TRHDE: variants seen among roughly 807,000 people sequenced by gnomAD.
The protein encoded by TRHDE is thyrotropin-releasing hormone-degrading ectoenzyme.
In TRHDE, 72 loss-of-function variants were observed where a neutral mutation model predicts 125.7. The ratio of observed to expected loss-of-function variants is 0.57; its 90% CI spans 0.47 to 0.70. The LOEUF (loss-of-function observed/expected upper bound fraction) is 0.70. TRHDE is among the 30% of genes least tolerant of loss of function. The pLI is 0.00. For missense variants in TRHDE, 1,110 were observed against 1,327.1 expected, an observed-to-expected ratio of 0.84 and a Z score of 2.54; for synonymous variants, 509 against 509.1, an observed-to-expected ratio of 1.00 and a Z score of 0.00.
intron 2 of TRHDE, among the ~76,000 whole-genome samples, chr12:72,186,840 G>A (rs908844223): frequency 6.6e-6 from 1 of 151,880 alleles, no homozygotes; most frequent in African/African-American, 2.4e-5. Context: ...TTGGCGTGGG[G>A]GGTAGCACTA....
In TRHDE at chr12:72,373,772, G is replaced by C. The variant is rs1006098705; in HGVS notation, c.1189-4223G>C. Among the ~76,000 whole-genome samples, 3 of 152,128 alleles carry C rather than the reference G, an allele frequency of 2.0e-5. No homozygotes were observed. In the South Asian group the frequency reaches 6.2e-4, roughly 32 times the overall value. On this transcript the variant is annotated intron_variant, in intron 2 of 18. Transcript: ENST00000261180. ...GATCGAGAATCTCTCTGGTATGTTT[G>C]AGGAGTGAAAAGGAAGCTAGTGTTA...
chr12:72,500,353 T>C (rs1270087681), intron 6 of TRHDE, among the ~76,000 whole-genome samples: 1 of 152,094 alleles, frequency 6.6e-6, no homozygotes, highest in African/African-American at 2.4e-5. Context: ...TCTGCTGTGA[T>C]TTTTAGTGTA....
intron 9 of TRHDE, among the ~76,000 whole-genome samples, chr12:72,563,567 T>C (rs1870287380): frequency 6.6e-6 from 1 of 152,190 alleles, no homozygotes; most frequent in Non-Finnish European, 1.5e-5. Flanking sequence ...GTGTTTAAAA[T>C]CAATAAACAG....
chr12:72,197,331 AG>A (rs1230000110), intron 2 of TRHDE, among the ~76,000 whole-genome samples: 4 of 152,078 alleles, frequency 2.6e-5, no homozygotes, highest in African/African-American at 7.2e-5. Flanking sequence ...TTGGCTTTAT[AG>A]CACCCACATT....
chr12:72,349,636 C>G (rs922099308), intron 2 of TRHDE, among the ~76,000 whole-genome samples: 21 of 152,016 alleles, frequency 1.4e-4, no homozygotes, highest in African/African-American at 5.1e-4. Flanking sequence ...TACACTGAGG[C>G]CTAACAACAT....
At chr12:72,635,571 C>T (rs1873705382) in intron 15 of TRHDE, among the ~76,000 whole-genome samples, 1 of 152,042 alleles carries the variant, frequency 6.6e-6, no homozygotes, top group South Asian at 2.1e-4. Flanking sequence ...ACATGAAGTC[C>T]TTGCCCGTGC....
chr12:72,135,356 T>C (rs1413105416), intron 2 of TRHDE, among the ~76,000 whole-genome samples: 1 of 152,210 alleles, frequency 6.6e-6, no homozygotes, highest in Non-Finnish European at 1.5e-5. Flanking sequence ...CCCCATGAGA[T>C]ATGATATCAC....
Position 72,272,538 on chromosome 12 carries a change from C to A in TRHDE, c.-106C>A. 3.5e-6 allele frequency: 2 copies of A among 563,998 alleles called. No individual in the cohort carries two copies. Among genetic ancestry groups the A allele is most frequent in the Non-Finnish European group, 6.2e-6 (2 of 321,052 alleles). 34.9% of individuals were successfully genotyped at this position (563,998 alleles called of 1,614,324 possible). The stretch of plus-strand genomic sequence containing the variant: ...ACCCGGGCCAGCATCCCCAGTCGCG[C>A]GCCCTCGGCCCGCGTGAGCTCTCCG... On this transcript the variant is annotated 5_prime_UTR_variant, in exon 1 of 19. Transcript: ENST00000261180. The surrounding 1 kb of genome is among the most constrained non-coding windows in gnomAD (Gnocchi z 6.7).
intron 15 of TRHDE, among the ~76,000 whole-genome samples, chr12:72,644,059 ATTC>A (rs1337244281): frequency 2.0e-5 from 3 of 152,142 alleles, no homozygotes; most frequent in Non-Finnish European, 4.4e-5. Flanking sequence ...GAAGCACTAG[ATTC>A]TTCTTCCTTT....
intron 2 of TRHDE, among the ~76,000 whole-genome samples, chr12:72,188,660 G>A (rs531885836): frequency 1.1e-4 from 17 of 152,274 alleles, no homozygotes; most frequent in Admixed American, 7.8e-4. Flanking sequence ...GAAAATGTGG[G>A]CCTAGTGTTG....
chr12:72,305,456 C>T (rs1052075070), intron 2 of TRHDE, among the ~76,000 whole-genome samples: 21 of 152,138 alleles, frequency 1.4e-4, no homozygotes, highest in Non-Finnish European at 2.4e-4. Flanking sequence ...AAATTGCCTT[C>T]GGGGCAAGTC....
In TRHDE at chr12:72,208,625, T is replaced by G. The variant is rs148063911; in HGVS notation, n.279+102873T>G. On this transcript the variant is annotated intron_variant and non_coding_transcript_variant, in intron 2 of 4. Transcript: ENST00000548156. ...AAAATCCTCTGCATCTATTTTTTTC[T>G]GATCTGCAAATTGGGAATAATAATA... is the stretch of plus-strand genomic sequence containing the variant. Among the ~76,000 whole-genome samples, 109 of 152,334 alleles carry G rather than the reference T, an allele frequency of 7.2e-4. 1 individual carries two copies. In the East Asian group the frequency reaches 0.017, roughly 23 times the overall value.
intron 14 of TRHDE, 98 bp from the exon 15 acceptor site, chr12:72,621,545 TA>T: frequency 1.1e-6 from 1 of 925,072 alleles, no homozygotes; most frequent in Non-Finnish European, 1.6e-6. Flanking sequence ...TTTCCAGATC[TA>T]AAAACCATTT....
intron 3 of TRHDE, among the ~76,000 whole-genome samples, chr12:72,447,434 C>G (rs1592451895): frequency 6.6e-6 from 1 of 152,058 alleles, no homozygotes. Context: ...AAAATTGACA[C>G]CGATTGTGCA....
chr12:72,157,657 A>G (rs756598327), intron 2 of TRHDE, among the ~76,000 whole-genome samples: 1 of 152,210 alleles, frequency 6.6e-6, no homozygotes, highest in Non-Finnish European at 1.5e-5. Context: ...GAGTTGGGGA[A>G]GACCATGGAA....
intron 2 of TRHDE, among the ~76,000 whole-genome samples, chr12:72,151,318 G>A (rs1488796594): frequency 4.0e-5 from 6 of 150,346 alleles, no homozygotes; most frequent in African/African-American, 1.2e-4. Flanking sequence ...TGAGTAGATT[G>A]CAAAAATTTT....
chr12:72,284,881 T>C (rs1487604308), intron 1 of TRHDE, among the ~76,000 whole-genome samples: 1 of 152,246 alleles, frequency 6.6e-6, no homozygotes, highest in Non-Finnish European at 1.5e-5. Context: ...CATTCTATCA[T>C]TTTGACTTTT....
chr12:72,663,219 A>G lies in TRHDE; in HGVS notation c.*24A>G, dbSNP rs375658389. Reference sequence around the variant, plus strand: ...AATATATGTATCTTATAAACAAACAATTCAACTCAGAAGTTTATGAGAAGA... The same window carrying G: ...AATATATGTATCTTATAAACAAACAGTTCAACTCAGAAGTTTATGAGAAGA... On this transcript the variant is annotated 3_prime_UTR_variant, in exon 19 of 19. Transcript: ENST00000261180. 6.5e-7 allele frequency: 1 copy of G among 1,550,184 alleles called. No individual in the cohort carries two copies. Among genetic ancestry groups the G allele is most frequent in the Middle Eastern group, 1.8e-4 (1 of 5,464 alleles).
At chr12:72,252,917 G>C (rs1878717816) in intron 2 of TRHDE, among the ~76,000 whole-genome samples, 1 of 152,016 alleles carries the variant, frequency 6.6e-6, no homozygotes, top group African/African-American at 2.4e-5. Context: ...TCCTTGGGTT[G>C]ATTGTAAATG....
Sources: allele counts gnomAD v4.1 joint callset (sites outside exome capture counted in the v4.1 genomes callset), GRCh38; gene constraint gnomAD v4.1.1; non-coding constraint Gnocchi (gnomAD v3.1); transcripts MANE v1.5; gene names NCBI Gene and HGNC (gene_info 2026-07-23, HGNC 2026-07-21).